Variants in SUCO observed in about 807,000 individuals in gnomAD.
The protein encoded by SUCO is SUN domain containing ossification factor.
SUCO carries 57 observed loss-of-function variants against 148.1 expected under a neutral mutation model. The ratio of observed to expected loss-of-function variants is 0.38; its 90% CI spans 0.31 to 0.48. SUCO has a LOEUF of 0.48. SUCO is among the 20% of genes least tolerant of loss of function. The pLI, the probability that SUCO is intolerant of heterozygous loss-of-function variation, is 0.96. For missense variants in SUCO, 1,331 were observed against 1,468.2 expected, an observed-to-expected ratio of 0.91 and a Z score of 1.53; for synonymous variants, 470 against 502.7, an observed-to-expected ratio of 0.93 and a Z score of 0.87.
intron 15 of SUCO, 97 bp from the exon 16 acceptor site, chr1:172,584,921 C>A: frequency 1.3e-6 from 1 of 764,646 alleles, no homozygotes; most frequent in Non-Finnish European, 2.0e-6. Flanking sequence ...TCAAAAAATG[C>A]AAAAGATCAT....
intron 3 of SUCO, among the ~76,000 whole-genome samples, chr1:172,555,173 T>C (rs570114239): frequency 1.3e-5 from 2 of 152,322 alleles, no homozygotes; most frequent in South Asian, 4.1e-4. Flanking sequence ...AGGACATTTA[T>C]GGTATAGTTG....
intron 6 of SUCO, among the ~76,000 whole-genome samples, chr1:172,564,993 T>C (rs1471167676): frequency 6.6e-6 from 1 of 152,250 alleles, no homozygotes; most frequent in Admixed American, 6.5e-5. Flanking sequence ...TAGAATTTTA[T>C]AGATGAGAAT....
intron 19 of SUCO, 48 bp downstream of exon 19, chr1:172,591,119 A>G (rs974908892): frequency 6.4e-6 from 9 of 1,404,662 alleles, no homozygotes; most frequent in African/African-American, 2.9e-5. Context: ...TTTCCACTGA[A>G]TTCTGTAGGG....
At chr1:172,604,974 G>A (rs1056353154) in intron 22 of SUCO, among the ~76,000 whole-genome samples, 9 of 151,814 alleles carry the variant, frequency 5.9e-5, no homozygotes, top group Non-Finnish European at 1.2e-4. Flanking sequence ...GAGTAGTGCT[G>A]TTCAGGGGTA....
In SUCO at chr1:172,557,428, G is replaced by T. The variant is rs1346236096; in HGVS notation, c.581+11G>T. ...CAGTCCACCTGACAGGTGGGTAGGAGCAGTTGTTTGTCCTTCTTATGATTC... is the reference window on the plus strand; with the variant it reads ...CAGTCCACCTGACAGGTGGGTAGGATCAGTTGTTTGTCCTTCTTATGATTC... On this transcript the variant is annotated intron_variant, in intron 5 of 23. Transcript: ENST00000263688. 1 of 1,613,684 alleles carries T rather than the reference G, an allele frequency of 6.2e-7. No homozygotes were observed. Among genetic ancestry groups the T allele is most frequent in the Non-Finnish European group, 8.5e-7 (1 of 1,179,756 alleles).
At chr1:172,561,323 G>T (rs1006611807) in intron 6 of SUCO, among the ~76,000 whole-genome samples, 15 of 152,148 alleles carry the variant, frequency 9.9e-5, no homozygotes, top group African/African-American at 3.6e-4. Context: ...ATCAAGTAAG[G>T]GTTTGGGTAT....
chr1:172,583,050 C>T (rs1043617992), intron 15 of SUCO, among the ~76,000 whole-genome samples: 3 of 152,028 alleles, frequency 2.0e-5, no homozygotes, highest in Non-Finnish European at 4.4e-5. Context: ...CTGTTGATTG[C>T]ACAATTTGGG....
chr1:172,586,985 C>T (rs1452081694), intron 17 of SUCO, among the ~76,000 whole-genome samples: 1 of 152,094 alleles, frequency 6.6e-6, no homozygotes, highest in Non-Finnish European at 1.5e-5. Flanking sequence ...GCTGTGATTG[C>T]TGTTCCTGAT....
chr1:172,580,957 C>T (rs1036241890), intron 15 of SUCO, among the ~76,000 whole-genome samples: 7 of 1,568 alleles, frequency 4.5e-3, no homozygotes, highest in African/African-American at 0.017. Flanking sequence ...CAAAAATTAG[C>T]CAAGCATGGT....
At position 172,609,946 on chromosome 1, in the gene SUCO, GAGA is replaced by G. The variant is rs1558219873; in HGVS notation, c.3455_3457del (p.Glu1152del). 1.2e-6 allele frequency: 2 copies of G among 1,613,940 alleles called. No individual in the cohort carries two copies. The highest frequency in any genetic ancestry group is 8.5e-7 in the Non-Finnish European group (1 of 1,179,876). On this transcript the variant is annotated inframe_deletion, in exon 24 of 24. Coordinates refer to ENST00000263688, the MANE Select transcript of SUCO (RefSeq NM_014283.5). ...AACCAGAGAGATTTTTCTAATATGG[GAGA>G]AGTTTATCACTCTTCTTATAAAGGT...
chr1:172,609,264 T>G, intron 23 of SUCO: 10 of 985,014 alleles, frequency 1.0e-5, no homozygotes, highest in Non-Finnish European at 1.2e-5. Flanking sequence ...TACTTAGGAT[T>G]TTTTGGCTTC....
chr1:172,536,383 C>A (rs1404335758), intron 1 of SUCO, among the ~76,000 whole-genome samples: 2 of 152,122 alleles, frequency 1.3e-5, no homozygotes, highest in African/African-American at 4.8e-5. Context: ...GAAATTGATC[C>A]ATTCATACTT....
intron 20 of SUCO, among the ~76,000 whole-genome samples, chr1:172,601,274 G>A (rs1031128180): frequency 1.3e-5 from 2 of 152,024 alleles, no homozygotes; most frequent in Non-Finnish European, 2.9e-5. Context: ...CAGATCACTC[G>A]AGGTCAGGAG....
intron 6 of SUCO, among the ~76,000 whole-genome samples, chr1:172,562,911 T>C (rs1457546964): frequency 6.6e-6 from 1 of 152,174 alleles, no homozygotes; most frequent in Non-Finnish European, 1.5e-5. Context: ...CTTGCTGTTC[T>C]TGTGATAGTG....
rs1425951488 is a variant in SUCO at position 172,589,784 on chromosome 1, A to G, written c.2683A>G (p.Thr895Ala). Residue 895 changes from threonine to alanine, a missense_variant, in exon 18 of 24, where the codon ACA (threonine) becomes GCA (alanine). Physicochemically the swap from Thr to Ala is moderately conservative, Grantham distance 58. Transcript: ENST00000263688. ...TDFYAELQNSTDLGYANGNLV... is the reference protein window; with the variant it reads ...TDFYAELQNSADLGYANGNLV... ...TTTTTATGCTGAATTGCAAAATTCT[A>G]CAGATCTAGGATATGCTAATGGAAA... The G allele has an allele frequency of 6.2e-7, 1 of 1,612,446 alleles. No homozygotes were observed. Among genetic ancestry groups the G allele is most frequent in the African/African-American group, 1.3e-5 (1 of 74,816 alleles).
At chr1:172,574,500 G>A (rs1173728967) in intron 10 of SUCO, among the ~76,000 whole-genome samples, 2 of 151,708 alleles carry the variant, frequency 1.3e-5, no homozygotes, top group African/African-American at 4.9e-5. Context: ...TGAGGAATTT[G>A]GAATAGAACT....
chr1:172,569,385 A>C (rs886778791), intron 7 of SUCO: 16 of 978,884 alleles, frequency 1.6e-5, no homozygotes, highest in Non-Finnish European at 1.9e-5. Context: ...AATAAGGCAT[A>C]GCAGTGATTT....
chr1:172,573,566 G>T (rs1655204840), intron 9 of SUCO, among the ~76,000 whole-genome samples: 1 of 151,958 alleles, frequency 6.6e-6, no homozygotes, highest in Non-Finnish European at 1.5e-5. Context: ...CTCTAGACTA[G>T]TCATTTTACA....
intron 9 of SUCO, among the ~76,000 whole-genome samples, chr1:172,572,216 A>G (rs1655069750): frequency 6.7e-6 from 1 of 149,050 alleles, no homozygotes; most frequent in Admixed American, 6.7e-5. Flanking sequence ...CAGCTCATTG[A>G]GAACGGACCA....
Sources: allele counts gnomAD v4.1 joint callset (sites outside exome capture counted in the v4.1 genomes callset), GRCh38; gene constraint gnomAD v4.1.1; transcripts MANE v1.5; gene names NCBI Gene and HGNC (gene_info 2026-07-23, HGNC 2026-07-21).